Variants in PACRG observed in about 807,000 individuals in gnomAD.
PACRG encodes parkin coregulated gene protein.
A neutral mutation model predicts 29.7 loss-of-function variants in PACRG; 29 were observed. That is an observed-to-expected ratio of 0.98 (90% CI 0.73 to 1.33). The LOEUF (loss-of-function observed/expected upper bound fraction) is 1.33. PACRG is among the 40% of genes most tolerant of loss of function. The probability of loss-of-function intolerance (pLI) is 0.00; values close to 1 mark genes in which losing one functional copy is unlikely to be tolerated. For synonymous variants in PACRG, 116 were observed against 118.7 expected, an observed-to-expected ratio of 0.98 and a Z score of 0.15; for missense variants, 279 against 316.2, an observed-to-expected ratio of 0.88 and a Z score of 0.89.
rs1351356030 is a variant in PACRG at position 162,990,814 on chromosome 6, A to G, written c.292-71336A>G. On this transcript the variant is annotated intron_variant, in intron 2 of 4. Coordinates refer to ENST00000366888, the MANE Select transcript of PACRG (RefSeq NM_001080379.2). ...TGTTTTGGACATGAAGTCCTTGCCC[A>G]TGCCTATGTCCTGAATGGTAATGCC... is the stretch of plus-strand genomic sequence containing the variant. 2.2e-5 allele frequency among the ~76,000 whole-genome samples: 3 copies of G among 136,766 alleles called. 1 individual carries two copies. The highest frequency in any genetic ancestry group is 1.0e-4 in the African/African-American group (3 of 29,482). 89.7% of individuals were successfully genotyped at this position (136,766 alleles called of 152,430 possible).
At chr6:162,740,379 C>T (rs773548576) in intron 1 of PACRG, among the ~76,000 whole-genome samples, 18 of 151,322 alleles carry the variant, frequency 1.2e-4, no homozygotes, top group Non-Finnish European at 2.2e-4. Flanking sequence ...GGCGTGATCT[C>T]AGCTCACTGC....
At chr6:162,920,626 G>A (rs755547651) in intron 2 of PACRG, among the ~76,000 whole-genome samples, 2 of 152,148 alleles carry the variant, frequency 1.3e-5, no homozygotes, top group Admixed American at 6.5e-5. Flanking sequence ...GGTATGCAAT[G>A]TGGAAAAGAA....
intron 1 of PACRG, among the ~76,000 whole-genome samples, chr6:162,748,796 G>A (rs1218198692): frequency 6.6e-6 from 1 of 151,838 alleles, no homozygotes; most frequent in East Asian, 1.9e-4. Context: ...AAATCTCTAC[G>A]TATTATGCTT....
At chr6:162,845,463 G>A (rs1191838736) in intron 2 of PACRG, among the ~76,000 whole-genome samples, 1 of 150,932 alleles carries the variant, frequency 6.6e-6, no homozygotes, top group African/African-American at 2.4e-5. Flanking sequence ...TAAAACTCGT[G>A]TTTACTGGAC....
chr6:163,070,838 T>A (rs1467079132), intron 3 of PACRG, among the ~76,000 whole-genome samples: 1 of 149,616 alleles, frequency 6.7e-6, no homozygotes, highest in Non-Finnish European at 1.5e-5. Flanking sequence ...ACACGTAGAC[T>A]GAAAATAAAG....
At chr6:163,148,677 A>G (rs1777906667) in intron 4 of PACRG, among the ~76,000 whole-genome samples, 1 of 152,088 alleles carries the variant, frequency 6.6e-6, no homozygotes, top group South Asian at 2.1e-4. Context: ...CACAGTAGCT[A>G]GCTCCTCTCC....
intron 2 of PACRG, among the ~76,000 whole-genome samples, chr6:162,946,300 A>C (rs933858830): frequency 2.0e-5 from 3 of 152,112 alleles, no homozygotes; most frequent in African/African-American, 7.2e-5. Context: ...CAGAAATGAA[A>C]ATGGAGACAT....
At chr6:162,767,336 A>G (rs567442459) in intron 1 of PACRG, among the ~76,000 whole-genome samples, 284 of 152,098 alleles carry the variant, frequency 1.9e-3, no homozygotes, top group Admixed American at 3.3e-3. Context: ...ATATTTACAT[A>G]AAGTTCAGAA....
intron 2 of PACRG, among the ~76,000 whole-genome samples, chr6:162,845,983 A>G (rs900832369): frequency 2.6e-5 from 4 of 152,156 alleles, no homozygotes; most frequent in African/African-American, 9.7e-5. Context: ...CATGCAGGAA[A>G]AGTAGGAGGG....
intron 1 of PACRG, among the ~76,000 whole-genome samples, chr6:162,789,891 T>G (rs900552966): frequency 6.6e-6 from 1 of 152,116 alleles, no homozygotes; most frequent in Non-Finnish European, 1.5e-5. Context: ...TGTTGTACTT[T>G]AGCATGATTT....
Position 163,248,279 on chromosome 6 carries a change from C to G in PACRG, c.614-66548C>G, listed in dbSNP as rs1422849089. Reference sequence around the variant, plus strand: ...AGCTGTCGCTGAGAATCAAAGAATGCATTAGTAATTGCTATTGTTTGTAGC... The same window carrying G: ...AGCTGTCGCTGAGAATCAAAGAATGGATTAGTAATTGCTATTGTTTGTAGC... On this transcript the variant is annotated intron_variant, in intron 4 of 4. Transcript: ENST00000366888. 4.6e-5 allele frequency among the ~76,000 whole-genome samples: 7 copies of G among 152,302 alleles called. No individual in the cohort carries two copies. In the East Asian group the frequency reaches 5.8e-4, roughly 13 times the overall value.
chr6:163,164,327 A>G (rs907254254), intron 4 of PACRG, among the ~76,000 whole-genome samples: 1 of 152,112 alleles, frequency 6.6e-6, no homozygotes, highest in Admixed American at 6.5e-5. Flanking sequence ...GTGGCTGCCA[A>G]TCTCTTCCTC....
chr6:163,131,246 T>G (rs1405336766), intron 4 of PACRG, among the ~76,000 whole-genome samples: 1 of 147,698 alleles, frequency 6.8e-6, no homozygotes, highest in African/African-American at 2.6e-5. Flanking sequence ...AGGCGTAGCT[T>G]GCAGTGAGCC....
At chr6:162,836,919 A>T (rs1400299971) in intron 2 of PACRG, among the ~76,000 whole-genome samples, 1 of 152,162 alleles carries the variant, frequency 6.6e-6, no homozygotes, top group Non-Finnish European at 1.5e-5. Context: ...ATGGAGCTAG[A>T]ACCTAGGTCT....
chr6:162,750,257 A>G (rs1173215845), intron 1 of PACRG, among the ~76,000 whole-genome samples: 1 of 152,232 alleles, frequency 6.6e-6, no homozygotes, highest in African/African-American at 2.4e-5. Flanking sequence ...TTGCCAACCT[A>G]GATGCATATA....
intron 1 of PACRG, among the ~76,000 whole-genome samples, chr6:162,805,029 G>A (rs9458648): frequency 0.41 from 62,809 of 151,992 alleles, 14,245 homozygotes; most frequent in African/African-American, 0.59. Flanking sequence ...GTAGGTAAAT[G>A]TAAGAAGATG....
In PACRG at chr6:163,251,899, C is replaced by T. The variant is rs572351129; in HGVS notation, c.614-62928C>T. 3.3e-4 allele frequency among the ~76,000 whole-genome samples: 51 copies of T among 152,300 alleles called. No homozygotes were observed. The South Asian group carries it at 0.01, about 31-fold the overall frequency. ...GAGCGACCTTGGGTAAATTGCTTAA[C>T]CTTTCCATGGTTCTTCAAATGGAAT... On this transcript the variant is annotated intron_variant, in intron 4 of 4. Transcript: ENST00000366888.
intron 4 of PACRG, among the ~76,000 whole-genome samples, chr6:163,286,620 G>A (rs555053662): frequency 6.6e-6 from 1 of 152,274 alleles, no homozygotes; most frequent in Admixed American, 6.5e-5. Flanking sequence ...TTGAGAACAG[G>A]CAGTATATCC....
chr6:162,810,224 C>T (rs1226988455), intron 1 of PACRG, among the ~76,000 whole-genome samples: 2 of 152,156 alleles, frequency 1.3e-5, no homozygotes, highest in Non-Finnish European at 2.9e-5. Context: ...GCATTCTCTC[C>T]TCTGGGGTCA....
Sources: allele counts gnomAD v4.1 joint callset (sites outside exome capture counted in the v4.1 genomes callset), GRCh38; gene constraint gnomAD v4.1.1; transcripts MANE v1.5; gene names NCBI Gene and HGNC (gene_info 2026-07-23, HGNC 2026-07-21).